Variants in MTDH observed in about 807,000 individuals in gnomAD.
The protein encoded by MTDH is metadherin, also known as protein LYRIC.
MTDH carries 34 observed loss-of-function variants against 72.7 expected under a neutral mutation model. That is an observed-to-expected ratio of 0.47 (90% CI 0.36 to 0.62). The LOEUF (loss-of-function observed/expected upper bound fraction) is 0.62, where lower values mean the gene tolerates loss of function less well. Among genes scored for constraint, MTDH ranks in the 20% least tolerant of loss-of-function variants. The pLI is 0.00. For synonymous variants in MTDH, 266 were observed against 268.9 expected, an observed-to-expected ratio of 0.99 and a Z score of 0.10; for missense variants, 677 against 699.4, an observed-to-expected ratio of 0.97 and a Z score of 0.36.
intron 2 of MTDH, among the ~76,000 whole-genome samples, chr8:97,682,251 TATATATATATATATATATATATATA>T (rs1813141237): frequency 5.2e-4 from 3 of 5,778 alleles, no homozygotes; most frequent in Non-Finnish European, 3.9e-4. Context: ...TATATATATA[TATATATATATATATATATATATATA>T]TATATTTTTT....
In MTDH at chr8:97,729,738, T is replaced by C. The variant is rs1214765146; in HGVS notation, c.*5068T>C. 1.3e-5 allele frequency among the ~76,000 whole-genome samples: 2 copies of C among 152,166 alleles called. No individual in the cohort carries two copies. The highest frequency in any genetic ancestry group is 4.8e-5 in the African/African-American group (2 of 41,446). On this transcript the variant is annotated 3_prime_UTR_variant, in exon 12 of 12. Transcript: ENST00000336273. ...AATTCCTGGGTTCAAGCAATCCTCC[T>C]GACTCAGCCTCCTAAATGCTGGGAT... is the stretch of plus-strand genomic sequence containing the variant.
At position 97,713,763 on chromosome 8, in the gene MTDH, T is replaced by C. The variant is rs1814730840; in HGVS notation, c.1374T>C (p.Thr458=). The change falls in exon 9 of 12, where the codon ACT becomes ACC. Residue 458 remains threonine (T), a synonymous_variant. Transcript: ENST00000336273. ...AGAAGCAAGGTGAAGATAACTCTAC[T>C]GCACAGGTAAAATGTCAGAACAACA... The part of the protein sequence containing the change: ...KKKKQGEDNS[T]AQDTEELEKE... The C allele has an allele frequency of 1.0e-5, 16 of 1,566,824 alleles. No individual in the cohort carries two copies. Among genetic ancestry groups the C allele is most frequent in the Non-Finnish European group, 1.4e-5 (16 of 1,156,906 alleles).
chr8:97,695,261 G>GT, intron 6 of MTDH, among the ~76,000 whole-genome samples: 1 of 151,870 alleles, frequency 6.6e-6, no homozygotes, highest in Admixed American at 6.6e-5. Context: ...TTACAGGCAC[G>GT]TGTCACCATG....
At chr8:97,661,736 A>C (rs1262374221) in intron 2 of MTDH, among the ~76,000 whole-genome samples, 1 of 152,120 alleles carries the variant, frequency 6.6e-6, no homozygotes, top group African/African-American at 2.4e-5. Flanking sequence ...TGAGCCCAGG[A>C]GTTTGAGATC....
rs531575026 is a variant in MTDH, at chr8:97,647,156, A to G, written c.381+2269A>G. Among the ~76,000 whole-genome samples, 9 of 152,326 alleles carry G rather than the reference A, an allele frequency of 5.9e-5. 1 individual carries two copies. The South Asian group carries it at 1.9e-3, about 32-fold the overall frequency. On this transcript the variant is annotated intron_variant, in intron 1 of 11. Transcript: ENST00000336273. ...CTGCTTACAAATTGAAGGCGGTGAA[A>G]AGGCATACAATATGGGCATATCTCT...
intron 2 of MTDH, among the ~76,000 whole-genome samples, chr8:97,674,298 A>G (rs1283226871): frequency 1.3e-5 from 2 of 152,252 alleles, no homozygotes; most frequent in East Asian, 1.9e-4. Flanking sequence ...ATAACCTTGA[A>G]TCTCCTTTAA....
At chr8:97,722,220 G>A (rs1015081774) in intron 10 of MTDH, among the ~76,000 whole-genome samples, 5 of 151,946 alleles carry the variant, frequency 3.3e-5, no homozygotes, top group East Asian at 1.9e-4. Context: ...GCTGTTTTGT[G>A]CCTCTGCACT....
chr8:97,697,599 A>G (rs1440650515), intron 6 of MTDH, among the ~76,000 whole-genome samples: 2 of 151,834 alleles, frequency 1.3e-5, no homozygotes, highest in Non-Finnish European at 2.9e-5. Context: ...GTTAGCCAGG[A>G]TGGTCTGCAT....
At chr8:97,645,128 G>A (rs1252880307) in intron 1 of MTDH, among the ~76,000 whole-genome samples, 1 of 152,206 alleles carries the variant, frequency 6.6e-6, no homozygotes, top group East Asian at 1.9e-4. Flanking sequence ...TAGGAGGTCT[G>A]GGGGTCCGTT....
chr8:97,718,265 A>G (rs1814956747), intron 9 of MTDH, among the ~76,000 whole-genome samples: 1 of 151,148 alleles, frequency 6.6e-6, no homozygotes, highest in Admixed American at 6.6e-5. Flanking sequence ...CTGGTCTCGA[A>G]CTCCTGACCT....
intron 2 of MTDH, among the ~76,000 whole-genome samples, chr8:97,684,354 A>T (rs1008475750): frequency 2.0e-5 from 3 of 152,174 alleles, no homozygotes; most frequent in East Asian, 1.9e-4. Context: ...AGAAATTTTT[A>T]AAAATATATA....
At chr8:97,650,503 A>G (rs927518016) in intron 1 of MTDH, among the ~76,000 whole-genome samples, 6 of 151,482 alleles carry the variant, frequency 4.0e-5, no homozygotes, top group African/African-American at 1.5e-4. Context: ...TTGAACTGCT[A>G]AGCTCAAGTA....
At chr8:97,666,943 T>G (rs1812415284) in intron 2 of MTDH, among the ~76,000 whole-genome samples, 1 of 152,090 alleles carries the variant, frequency 6.6e-6, no homozygotes, top group Admixed American at 6.6e-5. Flanking sequence ...GTGATCCACC[T>G]GCCTCCGCCT....
At chr8:97,661,848 T>C (rs560252649) in intron 2 of MTDH, among the ~76,000 whole-genome samples, 3 of 148,836 alleles carry the variant, frequency 2.0e-5, no homozygotes, top group African/African-American at 7.5e-5. Context: ...CAGGCTGAGG[T>C]GGGAGGATTG....
chr8:97,652,988 G>A (rs543172543), intron 1 of MTDH, among the ~76,000 whole-genome samples: 63 of 152,054 alleles, frequency 4.1e-4, no homozygotes, highest in South Asian at 1.7e-3. Flanking sequence ...GCATGGTGGC[G>A]TGCACCTATA....
chr8:97,669,170 A>G (rs756969260), intron 2 of MTDH, among the ~76,000 whole-genome samples: 2 of 151,978 alleles, frequency 1.3e-5, no homozygotes, highest in Non-Finnish European at 2.9e-5. Flanking sequence ...TTTTTTTGAG[A>G]CGGAGTCTCG....
chr8:97,666,060 G>A (rs1304299263), intron 2 of MTDH, among the ~76,000 whole-genome samples: 2 of 151,670 alleles, frequency 1.3e-5, no homozygotes, highest in African/African-American at 4.8e-5. Flanking sequence ...CCCAGGAGGC[G>A]GAGCTTGCAG....
At chr8:97,671,768 C>T (rs1812635658) in intron 2 of MTDH, among the ~76,000 whole-genome samples, 1 of 152,086 alleles carries the variant, frequency 6.6e-6, no homozygotes, top group Non-Finnish European at 1.5e-5. Context: ...ACTTGAACCC[C>T]AGGAGGCAGA....
chr8:97,708,264 C>CTTTTTTTTTTTT (rs71271145), intron 8 of MTDH, among the ~76,000 whole-genome samples: 4 of 32,070 alleles, frequency 1.2e-4, no homozygotes, highest in African/African-American at 3.6e-4. Flanking sequence ...CATGCCAGGC[C>CTTTTTTTTTTTT]TTTTTTTTTT....
Sources: gnomAD v4.1 joint callset for allele counts (sites outside exome capture counted in the v4.1 genomes callset) on GRCh38, gnomAD v4.1.1 for gene constraint, MANE v1.5 for transcripts, NCBI Gene and HGNC (gene_info 2026-07-23, HGNC 2026-07-21) for gene names.